The following N4BP2L2 variants were observed in gnomAD, a reference collection of about 807,000 sequenced individuals.
N4BP2L2 encodes NEDD4-binding protein 2-like 2.
A neutral mutation model predicts 56.2 loss-of-function variants in N4BP2L2; 50 were observed. The observed-to-expected ratio is 0.89, with a 90% confidence interval of 0.71 to 1.13. The LOEUF (loss-of-function observed/expected upper bound fraction) is 1.13. Among genes scored for constraint, N4BP2L2 ranks in the 50% most tolerant of loss-of-function variants. The pLI is 0.00. For synonymous variants in N4BP2L2, 203 were observed against 223.6 expected (o/e 0.91, Z 0.82); for missense variants, 689 against 693.8 (o/e 0.99, Z 0.08).
chr13:32,477,013 C>A (rs922806184), intron 6 of N4BP2L2, among the ~76,000 whole-genome samples: 1 of 152,184 alleles, frequency 6.6e-6, no homozygotes, highest in African/African-American at 2.4e-5. Flanking sequence ...CCGCAGTCAA[C>A]TATCATACGA....
intron 6 of N4BP2L2, among the ~76,000 whole-genome samples, chr13:32,460,357 G>A (rs1029913853): frequency 3.9e-5 from 6 of 152,290 alleles, no homozygotes; most frequent in African/African-American, 1.4e-4. Context: ...AAAAGAGGAG[G>A]TCAAATTGTC....
At chr13:32,433,456 C>T (rs569385565) in intron 9 of N4BP2L2, among the ~76,000 whole-genome samples, 1 of 151,998 alleles carries the variant, frequency 6.6e-6, no homozygotes, top group East Asian at 1.9e-4. Context: ...CATGGCAAAA[C>T]CCCGTCTCTA....
At position 32,520,038 on chromosome 13, in the gene N4BP2L2, TA is replaced by T. The variant is rs141088108; in HGVS notation, c.1550+1334del. ...GGCAAAAAATATCAGATACTAATACTAATCTGTTTGTCTATCTATACATGAC... is the reference window on the plus strand; with the variant it reads ...GGCAAAAAATATCAGATACTAATACTATCTGTTTGTCTATCTATACATGAC... On this transcript the variant is annotated intron_variant, in intron 5 of 5. Transcript: ENST00000267068. Among the ~76,000 whole-genome samples, 693 of 152,266 alleles carry T rather than the reference TA, an allele frequency of 4.6e-3. 7 individuals carry two copies. The highest frequency in any genetic ancestry group is 0.015 in the African/African-American group (636 of 41,540).
chr13:32,497,359 G>C (rs1337179051), intron 6 of N4BP2L2, among the ~76,000 whole-genome samples: 1 of 152,170 alleles, frequency 6.6e-6, no homozygotes, highest in Non-Finnish European at 1.5e-5. Context: ...TTACATCAGA[G>C]AGGCCTCCTT....
chr13:32,527,358 T>C (rs918561041), intron 3 of N4BP2L2, 50 bp downstream of exon 3: 11 of 1,592,884 alleles, frequency 6.9e-6, no homozygotes, highest in East Asian at 4.5e-5. Context: ...TCTAGGTCTT[T>C]TGACTCCTAG....
At chr13:32,441,690 CATAAATAA>C (rs199951664) in intron 7 of N4BP2L2, among the ~76,000 whole-genome samples, 19,323 of 137,450 alleles carry the variant, frequency 0.14, 1,504 homozygotes, top group African/African-American at 0.2. Flanking sequence ...CTCTCAAAAA[CATAAATAA>C]ATAAATAAAT....
chr13:32,457,038 C>T (rs1390984358), intron 6 of N4BP2L2, among the ~76,000 whole-genome samples: 2 of 152,160 alleles, frequency 1.3e-5, no homozygotes, highest in East Asian at 3.9e-4. Flanking sequence ...ACTTGGGAGG[C>T]TGAGGCACAG....
chr13:32,508,994 A>T (rs1338245840), downstream of N4BP2L2: 1 of 152,190 alleles, frequency 6.6e-6, no homozygotes, highest in Non-Finnish European at 1.5e-5. Flanking sequence ...GTATTCTAGG[A>T]TTTAATTTCT....
chr13:32,435,353 C>A (rs1386900567), intron 9 of N4BP2L2, among the ~76,000 whole-genome samples: 1 of 152,136 alleles, frequency 6.6e-6, no homozygotes, highest in Non-Finnish European at 1.5e-5. Flanking sequence ...CTTGCCTCAG[C>A]CTCCCAAGTA....
chr13:32,522,006 C>A, intron 4 of N4BP2L2, 176 bp downstream of exon 4: 1 of 558,604 alleles, frequency 1.8e-6, no homozygotes, highest in Non-Finnish European at 3.1e-6. Flanking sequence ...ACAAGATGAA[C>A]ATGTTCCTTA....
exon 6 of N4BP2L2, chr13:32,516,838 T>C: frequency 2.2e-6 from 2 of 914,124 alleles, no homozygotes; most frequent in Non-Finnish European, 2.6e-6. Context: ...TTATCTAGGT[T>C]AGTCTAGGTA....
At chr13:32,524,516 TAGAAAG>T (rs922199634) in intron 3 of N4BP2L2, 2 of 152,226 alleles carry the variant, frequency 1.3e-5, no homozygotes, top group African/African-American at 2.4e-5. Context: ...ATCATACTGT[TAGAAAG>T]AGAAGAACTA....
intron 6 of N4BP2L2, among the ~76,000 whole-genome samples, chr13:32,466,519 A>G (rs2081265502): frequency 6.6e-6 from 1 of 152,096 alleles, no homozygotes; most frequent in Non-Finnish European, 1.5e-5. Flanking sequence ...GTGAGCCGAG[A>G]TCAGAGACTC....
At chr13:32,522,352 GTAC>G (rs2051216513) in intron 3 of N4BP2L2, 82 bp from the exon 4 acceptor site, 1 of 925,596 alleles carries the variant, frequency 1.1e-6, no homozygotes, top group South Asian at 1.9e-5. Context: ...ATTAAGAAAT[GTAC>G]TACGTCTCTG....
At chr13:32,535,247 C>T (rs2056242998) in intron 2 of N4BP2L2, among the ~76,000 whole-genome samples, 1 of 152,170 alleles carries the variant, frequency 6.6e-6, no homozygotes, top group African/African-American at 2.4e-5. Flanking sequence ...TTCTCACCTC[C>T]AACTGAACTT....
chr13:32,478,819 A>G (rs188207574), intron 6 of N4BP2L2: 12 of 152,342 alleles, frequency 7.9e-5, no homozygotes, highest in Admixed American at 7.2e-4. Context: ...GACAGAATTC[A>G]AAGGGTAGAA....
intron 6 of N4BP2L2, among the ~76,000 whole-genome samples, chr13:32,484,149 C>A (rs1357063386): frequency 7.1e-6 from 1 of 140,384 alleles, no homozygotes. Flanking sequence ...ATGGCAAAAC[C>A]CCATCTCTAC....
intron 2 of N4BP2L2, among the ~76,000 whole-genome samples, chr13:32,527,874 TG>T (rs1448059318): frequency 6.6e-6 from 1 of 151,276 alleles, no homozygotes; most frequent in East Asian, 1.9e-4. Context: ...CGGGTTCAAG[TG>T]ATTCTCCTGC....
chr13:32,467,858 C>T (rs1418901165), intron 6 of N4BP2L2, among the ~76,000 whole-genome samples: 3 of 150,734 alleles, frequency 2.0e-5, no homozygotes, highest in African/African-American at 7.3e-5. Flanking sequence ...GGCATGGTGG[C>T]GGGTGCCTGT....
Sources: allele counts gnomAD v4.1 joint callset (sites outside exome capture counted in the v4.1 genomes callset), GRCh38; gene constraint gnomAD v4.1.1; transcripts MANE v1.5; gene names NCBI Gene and HGNC (gene_info 2026-07-23, HGNC 2026-07-21).